Variants in SNURF observed in about 807,000 individuals in gnomAD.
SNURF encodes the protein SNURF protein.
SNURF carries 6 observed loss-of-function variants against 11.6 expected under a neutral mutation model. The ratio of observed to expected loss-of-function variants is 0.52; its 90% CI spans 0.28 to 1.02. The LOEUF is 1.02. Among genes scored for constraint, SNURF ranks in the 50% least tolerant of loss-of-function variants. SNURF has a pLI of 0.09. For missense variants in SNURF, 84 were observed against 88.4 expected, an observed-to-expected ratio of 0.95 and a Z score of 0.20; for synonymous variants, 29 against 31.6, an observed-to-expected ratio of 0.92 and a Z score of 0.27.
At chr15:24,967,733 C>T (rs1032032619) in intron 2 of SNURF, among the ~76,000 whole-genome samples, 199 bp from the exon 3 acceptor site, 6 of 148,574 alleles carry the variant, frequency 4.0e-5, no homozygotes, top group Admixed American at 3.4e-4. Context: ...ACTTGAACCC[C>T]GAAGGCAGTG....
At chr15:24,962,079 G>C (rs1311059607) in intron 1 of SNURF, 35 bp from the exon 2 acceptor site, 1 of 1,516,888 alleles carries the variant, frequency 6.6e-7, no homozygotes, top group East Asian at 2.2e-5. Flanking sequence ...GATTGATGCA[G>C]TCTACCAAAC....
chr15:24,967,146 T>A (rs1466050313), intron 2 of SNURF: 1 of 152,184 alleles, frequency 6.6e-6, no homozygotes, highest in Non-Finnish European at 1.5e-5. Context: ...CACAGGATAA[T>A]TTGAAAGTGA....
At chr15:24,974,961 A>G (rs1198619678) in intron 3 of SNURF, 2 of 703,040 alleles carry the variant, frequency 2.8e-6, no homozygotes, top group South Asian at 1.5e-5. Flanking sequence ...CTCTCAGGTC[A>G]GATTACAATA....
chr15:24,975,568 G>C, intron 4 of SNURF: 3 of 1,436,964 alleles, frequency 2.1e-6, no homozygotes, highest in Non-Finnish European at 2.9e-6. Flanking sequence ...GGGAAGGCCA[G>C]AGCTGGAGTA....
chr15:24,962,481 G>T (rs2074987618), intron 2 of SNURF, among the ~76,000 whole-genome samples: 1 of 152,004 alleles, frequency 6.6e-6, no homozygotes, highest in Non-Finnish European at 1.5e-5. Context: ...TTCAACATAA[G>T]CATACTTAAA....
chr15:24,971,001 C>G (rs182456294), downstream of SNURF, among the ~76,000 whole-genome samples: 29 of 152,210 alleles, frequency 1.9e-4, no homozygotes, highest in South Asian at 2.1e-4. Context: ...ACTGATATTC[C>G]ATGGTGTGTC....
intron 1 of SNURF, among the ~76,000 whole-genome samples, chr15:24,956,485 C>A (rs2062923373): frequency 6.6e-6 from 1 of 152,250 alleles, no homozygotes; most frequent in African/African-American, 2.4e-5. Flanking sequence ...AGGAAGCCGG[C>A]CAAGGTGGGC....
chr15:24,957,501 T>TA (rs908964542), intron 1 of SNURF, among the ~76,000 whole-genome samples: 1 of 152,222 alleles, frequency 6.6e-6, no homozygotes, highest in Non-Finnish European at 1.5e-5. Flanking sequence ...AGTACTTTTT[T>TA]AAAAAATCAT....
At chr15:24,976,584 G>A (rs2077085810) in intron 5 of SNURF, among the ~76,000 whole-genome samples, 1 of 152,220 alleles carries the variant, frequency 6.6e-6, no homozygotes, top group Non-Finnish European at 1.5e-5. Context: ...GGGATTAGGG[G>A]ATTTTTGGTG....
intron 2 of SNURF, among the ~76,000 whole-genome samples, chr15:24,965,719 CTT>C (rs1018456657): frequency 4.6e-5 from 7 of 152,226 alleles, no homozygotes; most frequent in African/African-American, 1.7e-4. Flanking sequence ...CTTCACATGT[CTT>C]TTCAAATTAA....
At chr15:24,972,459 T>C (rs962483144), downstream of SNURF, among the ~76,000 whole-genome samples, 1 of 152,036 alleles carries the variant, frequency 6.6e-6, no homozygotes, top group Admixed American at 6.6e-5. Flanking sequence ...TTTGAGATCT[T>C]TATAGGTTTT....
intron 1 of SNURF, among the ~76,000 whole-genome samples, chr15:24,960,800 G>A (rs1172252425): frequency 6.6e-6 from 1 of 152,096 alleles, no homozygotes; most frequent in Non-Finnish European, 1.5e-5. Flanking sequence ...CTTTTTTGAG[G>A]TGTGAGTGAC....
At chr15:24,973,588 C>T (rs2554427), downstream of SNURF, among the ~76,000 whole-genome samples, 1,461 of 151,388 alleles carry the variant, frequency 9.7e-3, 20 homozygotes, top group African/African-American at 0.032. Flanking sequence ...CTAGCAGAGA[C>T]GGGATTTCAC....
chr15:24,968,253 A>G (rs1326795581), exon 3 of SNURF: 1 of 525,956 alleles, frequency 1.9e-6, no homozygotes, highest in African/African-American at 1.9e-5. Flanking sequence ...TTCTGCCCTG[A>G]CACTTTCGTC....
rs114344650 is a variant in SNURF, at chr15:24,960,444, G to A, written c.15-1670G>A. Reference sequence around the variant, plus strand: ...CAACCTCTGCCTCCTAGGCTCAAGCGCCCTCTCACCTTAGCCTCCTGAGTA... The same window carrying A: ...CAACCTCTGCCTCCTAGGCTCAAGCACCCTCTCACCTTAGCCTCCTGAGTA... On this transcript the variant is annotated intron_variant, in intron 1 of 2. Transcript: ENST00000577949. Among the ~76,000 whole-genome samples the A allele has an allele frequency of 7.7e-3, 1,162 of 151,702 alleles. 8 individuals are homozygous for A. The highest frequency in any genetic ancestry group is 0.026 in the African/African-American group (1,091 of 41,396).
intron 1 of SNURF, among the ~76,000 whole-genome samples, chr15:24,959,635 T>A (rs187638996): frequency 6.6e-6 from 1 of 152,320 alleles, no homozygotes; most frequent in African/African-American, 2.4e-5. Flanking sequence ...GTTGATAGTT[T>A]CTTTAATTGT....
intron 2 of SNURF, among the ~76,000 whole-genome samples, chr15:24,965,296 G>T (rs983575064): frequency 6.6e-6 from 1 of 152,128 alleles, no homozygotes; most frequent in Admixed American, 6.5e-5. Flanking sequence ...CCAGCACTTT[G>T]GGAGGCGAAG....
chr15:24,977,042 C>T (rs1454314135), intron 6 of SNURF: 3 of 1,549,266 alleles, frequency 1.9e-6, no homozygotes, highest in African/African-American at 2.8e-5. Context: ...GAGGAACCAG[C>T]AGAGGGTTTT....
intron 1 of SNURF, among the ~76,000 whole-genome samples, chr15:24,956,694 C>T (rs2062972028): frequency 6.6e-6 from 1 of 152,138 alleles, no homozygotes; most frequent in Non-Finnish European, 1.5e-5. Flanking sequence ...GGTTGTGGCG[C>T]AGTAGAGGGG....
Sources: gnomAD v4.1 joint callset for allele counts (sites outside exome capture counted in the v4.1 genomes callset) on GRCh38, gnomAD v4.1.1 for gene constraint, MANE v1.5 for transcripts, NCBI Gene and HGNC (gene_info 2026-07-23, HGNC 2026-07-21) for gene names.